The following LRRC49 variants were observed in gnomAD, a reference collection of about 807,000 sequenced individuals.
The protein encoded by LRRC49 is leucine-rich repeat-containing protein 49.
A neutral mutation model predicts 83.3 loss-of-function variants in LRRC49; 50 were observed. The observed-to-expected ratio is 0.60, with a 90% CI of 0.48 to 0.76. The LOEUF (loss-of-function observed/expected upper bound fraction) is 0.76. LRRC49 is among the 30% of genes least tolerant of loss of function. The pLI is 0.00. For missense variants in LRRC49, 704 were observed against 809.1 expected, an observed-to-expected ratio of 0.87 and a Z score of 1.58; for synonymous variants, 286 against 283.3, an observed-to-expected ratio of 1.01 and a Z score of -0.10.
At chr15:71,037,417 A>G in intron 15 of LRRC49, 85 bp downstream of exon 15, 1 of 1,129,716 alleles carries the variant, frequency 8.9e-7, no homozygotes, top group Non-Finnish European at 1.2e-6. Context: ...TTTTACCCTT[A>G]GTTAAGATAA....
intron 7 of LRRC49, among the ~76,000 whole-genome samples, chr15:70,936,040 G>T (rs1596038837): frequency 6.6e-6 from 1 of 151,718 alleles, no homozygotes. Flanking sequence ...TTTATTTTTT[G>T]TTGTTTTTTT....
intron 8 of LRRC49, among the ~76,000 whole-genome samples, chr15:70,941,497 TAAA>T (rs569125041): frequency 9.5e-6 from 1 of 105,710 alleles, no homozygotes; most frequent in Non-Finnish European, 2.0e-5. Context: ...TAGTAGAGAG[TAAA>T]AAAAAAAAAA....
At chr15:71,005,050 A>G (rs907480473) in intron 11 of LRRC49, among the ~76,000 whole-genome samples, 4 of 152,206 alleles carry the variant, frequency 2.6e-5, no homozygotes, top group African/African-American at 7.2e-5. Flanking sequence ...GAGTTAAAAA[A>G]AGAAATTATT....
intron 8 of LRRC49, among the ~76,000 whole-genome samples, chr15:70,952,372 CTG>C (rs1324970014): frequency 6.6e-6 from 1 of 152,066 alleles, no homozygotes; most frequent in African/African-American, 2.4e-5. Flanking sequence ...TAGAATTCAA[CTG>C]TGAATCCATC....
At chr15:70,853,966 C>A in intron 1 of LRRC49, 1 of 1,458,734 alleles carries the variant, frequency 6.9e-7, no homozygotes, top group Non-Finnish European at 9.1e-7. Context: ...CCCCGGCGCC[C>A]CGAGTCTCCG....
At chr15:70,905,271 A>G (rs190829580) in intron 5 of LRRC49, among the ~76,000 whole-genome samples, 3 of 152,342 alleles carry the variant, frequency 2.0e-5, no homozygotes, top group East Asian at 3.9e-4. Flanking sequence ...TTCTTGACTC[A>G]TTTCTTTGAG....
At chr15:71,022,092 G>A (rs2039012312) in intron 14 of LRRC49, among the ~76,000 whole-genome samples, 1 of 152,142 alleles carries the variant, frequency 6.6e-6, no homozygotes, top group African/African-American at 2.4e-5. Flanking sequence ...GCAAAGATTA[G>A]CCAGGCCTGG....
chr15:70,879,991 A>G (rs919387282), intron 2 of LRRC49, among the ~76,000 whole-genome samples: 4 of 152,236 alleles, frequency 2.6e-5, no homozygotes, highest in South Asian at 2.1e-4. Flanking sequence ...ATACCGTAAC[A>G]TGGTCTGGTC....
At position 71,035,111 on chromosome 15, in the gene LRRC49, ATG is replaced by A. The variant is rs562721617; in HGVS notation, c.1704-2066_1704-2065del. Among the ~76,000 whole-genome samples, 21 of 152,248 alleles carry A rather than the reference ATG, an allele frequency of 1.4e-4. No individual in the cohort carries two copies. The South Asian group carries it at 4.3e-3, about 32-fold the overall frequency. ...TTTACAAAGGTGAGAAAATTATACTATGTAACTATCCTATAAGAGGAACCAAT... is the reference window on the plus strand; with the variant it reads ...TTTACAAAGGTGAGAAAATTATACTATAACTATCCTATAAGAGGAACCAAT... On this transcript the variant is annotated intron_variant, in intron 14 of 15. Transcript: ENST00000260382.
At chr15:70,976,308 T>C (rs181562856) in intron 9 of LRRC49, among the ~76,000 whole-genome samples, 2 of 152,202 alleles carry the variant, frequency 1.3e-5, no homozygotes, top group East Asian at 1.9e-4. Context: ...TAAAAGTGAT[T>C]GTTTGAGTAA....
intron 14 of LRRC49, among the ~76,000 whole-genome samples, chr15:71,036,113 A>G (rs1324571448): frequency 6.6e-6 from 1 of 152,094 alleles, no homozygotes; most frequent in Non-Finnish European, 1.5e-5. Flanking sequence ...GCATTTTTTC[A>G]TATGTCTGTT....
chr15:70,880,584 T>A (rs925905960), intron 2 of LRRC49, among the ~76,000 whole-genome samples: 2 of 152,252 alleles, frequency 1.3e-5, no homozygotes, highest in Admixed American at 6.5e-5. Context: ...ATAAGTTCCT[T>A]ATACGTCATT....
intron 1 of LRRC49, chr15:70,854,089 G>A (rs2032579027): frequency 1.4e-5 from 18 of 1,300,680 alleles, no homozygotes; most frequent in Non-Finnish European, 1.8e-5. Flanking sequence ...ACTGGGCCAT[G>A]GCTCGCGGGA....
At chr15:70,912,253 G>T (rs2034580093) in intron 6 of LRRC49, among the ~76,000 whole-genome samples, 1 of 151,634 alleles carries the variant, frequency 6.6e-6, no homozygotes, top group Non-Finnish European at 1.5e-5. Context: ...TGTTTTTATT[G>T]TTGTTGTTGT....
intron 14 of LRRC49, among the ~76,000 whole-genome samples, chr15:71,017,343 A>G (rs1015359528): frequency 2.0e-5 from 3 of 152,194 alleles, no homozygotes; most frequent in African/African-American, 7.2e-5. Context: ...GTTAATGAAA[A>G]TGTTCTACTA....
At chr15:70,867,183 G>C (rs773381283) in intron 1 of LRRC49, among the ~76,000 whole-genome samples, 1 of 151,852 alleles carries the variant, frequency 6.6e-6, no homozygotes, top group Non-Finnish European at 1.5e-5. Flanking sequence ...AGTCATGTAG[G>C]CCTGCCTTTG....
chr15:70,862,759 C>G (rs1242259726), intron 1 of LRRC49, among the ~76,000 whole-genome samples: 1 of 152,092 alleles, frequency 6.6e-6, no homozygotes, highest in African/African-American at 2.4e-5. Context: ...CAGGTTCCTC[C>G]CAACAGGTCT....
At chr15:71,023,792 T>C (rs1322819626) in intron 14 of LRRC49, among the ~76,000 whole-genome samples, 1 of 152,196 alleles carries the variant, frequency 6.6e-6, no homozygotes, top group African/African-American at 2.4e-5. Context: ...ACCACTCGGC[T>C]GGAGACTGCC....
intron 9 of LRRC49, among the ~76,000 whole-genome samples, chr15:70,973,503 C>T (rs572376864): frequency 2.0e-5 from 3 of 152,318 alleles, no homozygotes; most frequent in Admixed American, 6.5e-5. Flanking sequence ...TAGCAGAGCT[C>T]GAGCACTCTG....
Sources: allele counts gnomAD v4.1 joint callset (sites outside exome capture counted in the v4.1 genomes callset), GRCh38; gene constraint gnomAD v4.1.1; transcripts MANE v1.5; gene names NCBI Gene and HGNC (gene_info 2026-07-23, HGNC 2026-07-21).